GRM3: variants seen among roughly 807,000 people sequenced by gnomAD.
The protein encoded by GRM3 is glutamate metabotropic receptor 3, also known as metabotropic glutamate receptor 3.
A neutral mutation model predicts 70.5 loss-of-function variants in GRM3; 26 were observed. That is an observed-to-expected ratio of 0.37 (90% CI 0.27 to 0.51). The LOEUF (loss-of-function observed/expected upper bound fraction) is 0.51. Among genes scored for constraint, GRM3 ranks in the 20% least tolerant of loss-of-function variants. GRM3 has a pLI of 0.93. For missense variants in GRM3, 859 were observed against 1,123.8 expected (o/e 0.76, Z 3.37); for synonymous variants, 443 against 434.9 (o/e 1.02, Z -0.23).
Position 86,827,238 on chromosome 7 carries a change from T to C in GRM3, c.1325-11601T>C, listed in dbSNP as rs141787337. 2.7e-4 allele frequency among the ~76,000 whole-genome samples: 41 copies of C among 152,346 alleles called. No homozygotes were observed. In the East Asian group the frequency reaches 7.5e-3, roughly 28 times the overall value. On this transcript the variant is annotated intron_variant, in intron 3 of 5. Coordinates refer to ENST00000361669, the MANE Select transcript of GRM3 (RefSeq NM_000840.3). The stretch of plus-strand genomic sequence containing the variant: ...TACCTGAAATCCTCACATTTTAGAA[T>C]TATATATTTGTAATCTTGAAATAGG...
intron 1 of GRM3, among the ~76,000 whole-genome samples, chr7:86,735,160 G>A (rs62488003): frequency 1.1e-4 from 17 of 152,302 alleles, no homozygotes; most frequent in South Asian, 4.1e-4. Flanking sequence ...GGGAAAGAGC[G>A]ACTAGATGTG....
chr7:86,835,440 G>C (rs1455770624), intron 3 of GRM3, among the ~76,000 whole-genome samples: 2 of 152,050 alleles, frequency 1.3e-5, no homozygotes, highest in African/African-American at 4.8e-5. Context: ...GAGTAGGAAA[G>C]GATTTTTTGG....
chr7:86,784,669 A>C (rs1336417998), intron 2 of GRM3: 2 of 152,256 alleles, frequency 1.3e-5, no homozygotes, highest in African/African-American at 4.8e-5. Context: ...TGAGAAGAGA[A>C]GAAATAAATA....
At chr7:86,812,254 G>A (rs1323828306) in intron 3 of GRM3, among the ~76,000 whole-genome samples, 2 of 151,838 alleles carry the variant, frequency 1.3e-5, no homozygotes, top group African/African-American at 2.4e-5. Flanking sequence ...GCTGAGAGAA[G>A]TGATGAATTT....
chr7:86,693,633 T>A (rs1211567867), intron 1 of GRM3, among the ~76,000 whole-genome samples: 1 of 152,196 alleles, frequency 6.6e-6, no homozygotes, highest in East Asian at 1.9e-4. Flanking sequence ...ATGTTTTTAA[T>A]CATAATTACC....
chr7:86,764,968 C>T lies in GRM3; in HGVS notation c.-140-38C>T. ...TGATCGATGTAATCACTGTTGCTTT[C>T]TTTACCATTTTTGTTCATATAATTT... On this transcript the variant is annotated intron_variant, in intron 1 of 5. Coordinates refer to ENST00000361669, the MANE Select transcript of GRM3 (RefSeq NM_000840.3). The T allele has an allele frequency of 3.6e-6, 5 of 1,400,388 alleles. No individual in the cohort carries two copies. The South Asian group carries it at 5.0e-5, about 14-fold the overall frequency. 86.7% of individuals were successfully genotyped at this position (1,400,388 alleles called of 1,614,324 possible).
chr7:86,737,484 T>A (rs559842472), intron 1 of GRM3, among the ~76,000 whole-genome samples: 3 of 152,316 alleles, frequency 2.0e-5, no homozygotes, highest in South Asian at 4.1e-4. Flanking sequence ...TGAATAATTA[T>A]ACCTTTCAGA....
intron 1 of GRM3, among the ~76,000 whole-genome samples, chr7:86,722,072 G>C (rs1795479474): frequency 6.6e-6 from 1 of 151,988 alleles, no homozygotes; most frequent in Non-Finnish European, 1.5e-5. Flanking sequence ...CTTGAGATTG[G>C]GCACAATTCT....
chr7:86,673,089 C>G (rs1173282229), intron 1 of GRM3, among the ~76,000 whole-genome samples: 1 of 152,076 alleles, frequency 6.6e-6, no homozygotes, highest in Non-Finnish European at 1.5e-5. Flanking sequence ...TGATCTGGAA[C>G]AGAAAGATTC....
At chr7:86,843,810 G>A (rs561736372) in intron 4 of GRM3, among the ~76,000 whole-genome samples, 1 of 152,242 alleles carries the variant, frequency 6.6e-6, no homozygotes, top group East Asian at 1.9e-4. Context: ...ATGAATGAAT[G>A]AAAATGCAGG....
At chr7:86,739,074 T>C (rs1319323590) in intron 1 of GRM3, among the ~76,000 whole-genome samples, 2 of 152,204 alleles carry the variant, frequency 1.3e-5, no homozygotes, top group East Asian at 3.9e-4. Flanking sequence ...GCCTCCTGGG[T>C]TCAAGCAATT....
In GRM3 at chr7:86,864,443, G is replaced by T; in HGVS notation, c.*88G>T. 1 of 914,010 alleles carries T rather than the reference G, an allele frequency of 1.1e-6. No homozygotes were observed. 56.6% of individuals were successfully genotyped at this position (914,010 alleles called of 1,614,324 possible). Reference sequence around the variant, plus strand: ...TCCAGAATATGGAAACAGAGCAAAAGAACAACCCTAGTACCTTTTTTTAGA... The same window carrying T: ...TCCAGAATATGGAAACAGAGCAAAATAACAACCCTAGTACCTTTTTTTAGA... On this transcript the variant is annotated 3_prime_UTR_variant, in exon 6 of 6. Coordinates refer to ENST00000361669, the MANE Select transcript of GRM3 (RefSeq NM_000840.3).
intron 2 of GRM3, among the ~76,000 whole-genome samples, chr7:86,782,169 T>A (rs566765965): frequency 7.6e-4 from 116 of 152,106 alleles, no homozygotes; most frequent in South Asian, 2.1e-3. Context: ...TATCCAGAAT[T>A]TGTCCTTCCT....
chr7:86,676,762 A>C (rs1464878914), intron 1 of GRM3, among the ~76,000 whole-genome samples: 1 of 151,982 alleles, frequency 6.6e-6, no homozygotes, highest in Non-Finnish European at 1.5e-5. Flanking sequence ...GTTGGGCAAT[A>C]ATGCAGGCCA....
chr7:86,803,292 C>T (rs753670766), intron 3 of GRM3, among the ~76,000 whole-genome samples: 1 of 152,106 alleles, frequency 6.6e-6, no homozygotes, highest in Non-Finnish European at 1.5e-5. Flanking sequence ...TTATCTTTTG[C>T]CTACCTCAAT....
At chr7:86,684,717 C>T (rs772140003) in intron 1 of GRM3, among the ~76,000 whole-genome samples, 2 of 152,166 alleles carry the variant, frequency 1.3e-5, no homozygotes. Flanking sequence ...AGTGTTTAAT[C>T]ACAGAATCAA....
rs146309195 is a variant in GRM3 at position 86,857,028 on chromosome 7, A to G, written c.2566+6484A>G. On this transcript the variant is annotated intron_variant, in intron 5 of 5. Coordinates refer to ENST00000361669, the MANE Select transcript of GRM3 (RefSeq NM_000840.3). The stretch of plus-strand genomic sequence containing the variant: ...AGATGAAACTCTCAAAGGCTGCTAT[A>G]TTGTTCCTCTGGCCTCCCTGAATTT... Among the ~76,000 whole-genome samples the G allele has an allele frequency of 2.6e-5, 4 of 152,038 alleles. No individual in the cohort carries two copies. The East Asian group carries it at 7.7e-4, about 29-fold the overall frequency.
At chr7:86,677,416 G>A (rs182157122) in intron 1 of GRM3, among the ~76,000 whole-genome samples, 9 of 152,032 alleles carry the variant, frequency 5.9e-5, no homozygotes, top group Non-Finnish European at 1.3e-4. Flanking sequence ...CCCATCACCT[G>A]ACAAAACCAT....
At position 86,850,543 on chromosome 7, in the gene GRM3, G is replaced by A. The variant is rs146539851; in HGVS notation, c.2565G>A (p.Gln855=). ...GTGGAACTGGGACCACATACTCTCA[G>A]TGTAAGTATGGAACTCAGCACTAAC... ...SVSGTGTTYS[Q]SSASTYVPTV... is the part of the protein sequence containing the mutation. The change falls in exon 5 of 6, where the codon CAG becomes CAA. Residue 855 remains glutamine (Q), a splice_region_variant and synonymous_variant. Coordinates refer to ENST00000361669, the MANE Select transcript of GRM3 (RefSeq NM_000840.3). 5.0e-6 allele frequency: 8 copies of A among 1,594,422 alleles called. No individual in the cohort carries two copies. In the East Asian group the frequency reaches 6.7e-5, roughly 13 times the overall value.
Sources: gnomAD v4.1 joint callset for allele counts (sites outside exome capture counted in the v4.1 genomes callset) on GRCh38, gnomAD v4.1.1 for gene constraint, MANE v1.5 for transcripts, NCBI Gene and HGNC (gene_info 2026-07-23, HGNC 2026-07-21) for gene names.